Variants in RPS6KL1 observed in about 807,000 individuals in gnomAD.
The protein encoded by RPS6KL1 is ribosomal protein S6 kinase-like 1.
RPS6KL1 carries 41 observed loss-of-function variants against 57.0 expected under a neutral mutation model. That is an observed-to-expected ratio of 0.72 (90% CI 0.56 to 0.93). The LOEUF is 0.93. RPS6KL1 is among the 40% of genes least tolerant of loss of function. The pLI, the probability that RPS6KL1 is intolerant of heterozygous loss-of-function variation, is 0.00. For synonymous variants in RPS6KL1, 287 were observed against 309.7 expected (o/e 0.93, Z 0.77); for missense variants, 697 against 727.7 (o/e 0.96, Z 0.49).
chr14:74,912,838 G>A (rs555813751), intron 5 of RPS6KL1, among the ~76,000 whole-genome samples: 2 of 152,262 alleles, frequency 1.3e-5, no homozygotes, highest in Non-Finnish European at 2.9e-5. Flanking sequence ...AGAGGCAGAC[G>A]CTGTCAATCG....
At chr14:74,916,406 G>C (rs911312641) in intron 5 of RPS6KL1, among the ~76,000 whole-genome samples, 1 of 152,208 alleles carries the variant, frequency 6.6e-6, no homozygotes, top group East Asian at 1.9e-4. Flanking sequence ...ATAGAATGCG[G>C]CGGGCCACTG....
At chr14:74,919,343 C>T (rs1184442702) in intron 4 of RPS6KL1, among the ~76,000 whole-genome samples, 1 of 152,258 alleles carries the variant, frequency 6.6e-6, no homozygotes, top group Non-Finnish European at 1.5e-5. Context: ...GGGTAAGAAG[C>T]GTGCGTGCAT....
rs773157385 is a variant in RPS6KL1, at chr14:74,919,868, T to C, written c.367A>G (p.Ser123Gly). 1 of 1,613,364 alleles carries C rather than the reference T, an allele frequency of 6.2e-7. No homozygotes were observed. Among genetic ancestry groups the C allele is most frequent in the Non-Finnish European group, 8.5e-7 (1 of 1,179,874 alleles). ...IFNCHLQRPL[S>G]SGASPSAGFS... is the part of the protein sequence containing the mutation. ...ACCGCGCTGGGGCTGGCTCCACTGC[T>C]CAGCGGCCGCTGCAGGTGGCAGTTG... Residue 123 changes from serine (S) to glycine (G), a missense_variant, in exon 4 of 12, where the codon AGC (serine) becomes GGC (glycine). Ser to Gly is a moderately conservative substitution (Grantham distance 56). Transcript: ENST00000557413.
chr14:74,919,738 G>C, intron 4 of RPS6KL1, 107 bp downstream of exon 4: 1 of 1,254,294 alleles, frequency 8.0e-7, no homozygotes, highest in Non-Finnish European at 1.1e-6. Context: ...TCCACTGCCG[G>C]CCTCTGCCCT....
At chr14:74,913,643 C>T (rs1416481256) in intron 5 of RPS6KL1, among the ~76,000 whole-genome samples, 2 of 152,194 alleles carry the variant, frequency 1.3e-5, no homozygotes, top group African/African-American at 4.8e-5. Flanking sequence ...ATCACATCTG[C>T]CAAGTCACAT....
intron 2 of RPS6KL1, chr14:74,921,774 TTTC>T: frequency 8.0e-6 from 10 of 1,257,592 alleles, no homozygotes; most frequent in East Asian, 3.0e-5. Flanking sequence ...TCTGTTTTCT[TTTC>T]TTTTTTTTTT....
At chr14:74,910,418 TTGGG>T (rs1885733842) in intron 7 of RPS6KL1, 1 of 348,236 alleles carries the variant, frequency 2.9e-6, no homozygotes, top group East Asian at 4.7e-5. Context: ...TGTCTGTGGT[TTGGG>T]TGGTGGGTTC....
intron 4 of RPS6KL1, among the ~76,000 whole-genome samples, 179 bp from the exon 5 acceptor site, chr14:74,918,784 A>T (rs1887294308): frequency 6.6e-6 from 1 of 152,186 alleles, no homozygotes; most frequent in African/African-American, 2.4e-5. Flanking sequence ...GCCTTTACCG[A>T]TAGGCACCCA....
At position 74,909,206 on chromosome 14, in the gene RPS6KL1, G is replaced by A. The variant is rs766021107; in HGVS notation, c.1271-16C>T. ...CGGATGTGACCTCCAGTGTGTGGGA[G>A]GAAAAAGGAGGGGACAGATTGAGGA... On this transcript the variant is annotated splice_polypyrimidine_tract_variant and intron_variant, in intron 8 of 11. Transcript: ENST00000557413. 10 of 1,610,958 alleles carry A rather than the reference G, an allele frequency of 6.2e-6. No individual in the cohort carries two copies. The highest frequency in any genetic ancestry group is 2.7e-5 in the African/African-American group (2 of 74,856).
intron 6 of RPS6KL1, 58 bp from the exon 7 acceptor site, chr14:74,911,438 G>T: frequency 6.4e-7 from 1 of 1,573,752 alleles, no homozygotes; most frequent in South Asian, 1.1e-5. Context: ...GCTGCTGTTA[G>T]GGGACCTCCT....
At chr14:74,907,292 T>G in intron 11 of RPS6KL1, 143 bp downstream of exon 11, 1 of 1,424,114 alleles carries the variant, frequency 7.0e-7, no homozygotes, top group Non-Finnish European at 9.3e-7. Flanking sequence ...CACCAACATA[T>G]AGAAATGTGT....
At position 74,922,400 on chromosome 14, in the gene RPS6KL1, C is replaced by T. The variant is rs1293194463; in HGVS notation, c.-443G>A. ...GGATTGCCCCTGCTGTGTTTTGTTC[C>T]CTTGGTCCTGAGGTCAGTGTGGTCA... is the stretch of plus-strand genomic sequence containing the variant. On this transcript the variant is annotated 5_prime_UTR_variant, in exon 2 of 12. Coordinates refer to ENST00000557413, the MANE Select transcript of RPS6KL1 (RefSeq NM_031464.5). 1 of 973,446 alleles carries T rather than the reference C, an allele frequency of 1.0e-6. No homozygotes were observed. Among genetic ancestry groups the T allele is most frequent in the Non-Finnish European group, 1.2e-6 (1 of 818,924 alleles). 60.3% of individuals were successfully genotyped at this position (973,446 alleles called of 1,614,324 possible).
At chr14:74,921,238 T>TGGCCCCCCCCCCCCCCCCCCCCCCCCCC in intron 3 of RPS6KL1, 39 bp downstream of exon 3, 13 of 840,138 alleles carry the variant, frequency 1.5e-5, no homozygotes, top group East Asian at 7.9e-5. Context: ...CACTGGCCCT[T>TGGCCCCCCCCCCCCCCCCCCCCCCCCCC]CCCCACCCAC....
At position 74,906,409 on chromosome 14, in the gene RPS6KL1, T is replaced by TGGGGGGGGGGGG. The variant is rs537079155; in HGVS notation, c.*604_*605insCCCCCCCCCCCC. ...AGGGGGCATGGTCAGGAATCGGGGG[T>TGGGGGGGGGGGG]GGGGGGGTGGGGGTGGGGGTCATCC... On this transcript the variant is annotated 3_prime_UTR_variant, in exon 12 of 12. Transcript: ENST00000557413. 2 of 157,412 alleles carry TGGGGGGGGGGGG rather than the reference T, an allele frequency of 1.3e-5. No individual in the cohort carries two copies. Among genetic ancestry groups the TGGGGGGGGGGGG allele is most frequent in the African/African-American group, 1.3e-4 (2 of 15,246 alleles). 9.8% of individuals were successfully genotyped at this position (157,412 alleles called of 1,614,324 possible).
At position 74,909,771 on chromosome 14, in the gene RPS6KL1, C is replaced by T; in HGVS notation, c.1042G>A (p.Val348Ile). The part of the protein sequence containing the change: ...DAGPPRGLTW[V>I]PEGAGPVLGG... ...AGCACCGGGCCGGCCCCCTCAGGAACCCAAGTGAGCCCCCGAGGGGGCCCA... is the reference window on the plus strand; with the variant it reads ...AGCACCGGGCCGGCCCCCTCAGGAATCCAAGTGAGCCCCCGAGGGGGCCCA... The change falls in exon 8 of 12, where the codon GTT becomes ATT. Residue 348 changes from valine (V) to isoleucine (I), a missense_variant. Val to Ile is a conservative substitution (Grantham distance 29). Transcript: ENST00000557413. 6.2e-7 allele frequency: 1 copy of T among 1,606,422 alleles called. No individual in the cohort carries two copies. The highest frequency in any genetic ancestry group is 1.1e-5 in the South Asian group (1 of 90,848).
Position 74,909,756 on chromosome 14 carries a change from C to T in RPS6KL1, c.1057G>A (p.Gly353Ser), listed in dbSNP as rs773733731. The T allele has an allele frequency of 1.4e-5, 23 of 1,606,762 alleles. No homozygotes were observed. In the East Asian group the frequency reaches 2.0e-4, roughly 14 times the overall value. Reference protein sequence around the residue: ...RGLTWVPEGAGPVLGGCGRGM... With the variant: ...RGLTWVPEGASPVLGGCGRGM... The stretch of plus-strand genomic sequence containing the variant: ...CGGCCACAGCCCCCTAGCACCGGGC[C>T]GGCCCCCTCAGGAACCCAAGTGAGC... Residue 353 changes from glycine to serine, a missense_variant, in exon 8 of 12, where the codon GGC becomes AGC. Physicochemically the swap from Gly to Ser is moderately conservative, Grantham distance 56. Coordinates refer to ENST00000557413, the MANE Select transcript of RPS6KL1 (RefSeq NM_031464.5).
intron 6 of RPS6KL1, 118 bp downstream of exon 6, chr14:74,911,676 A>C (rs906603811): frequency 1.0e-6 from 1 of 988,130 alleles, no homozygotes; most frequent in Non-Finnish European, 1.5e-6. Context: ...CAGGCAGAAC[A>C]ACCAGCTTTT....
chr14:74,921,378 G>C lies in RPS6KL1; in HGVS notation c.164C>G (p.Thr55Arg), dbSNP rs773424446. The change falls in exon 3 of 12, where the codon ACG (threonine) becomes AGG (arginine). Residue 55 changes from threonine to arginine, a missense_variant. Coordinates refer to ENST00000557413, the MANE Select transcript of RPS6KL1 (RefSeq NM_031464.5). ...TKRDYLVDAATQIRLALERDV... is the reference protein window; with the variant it reads ...TKRDYLVDAARQIRLALERDV... ...GCGCTCCAGGGCCAGCCGGATCTGCGTGGCCGCATCCACCAGATAGTCACG... is the reference window on the plus strand; with the variant it reads ...GCGCTCCAGGGCCAGCCGGATCTGCCTGGCCGCATCCACCAGATAGTCACG... 1 of 1,614,252 alleles carries C rather than the reference G, an allele frequency of 6.2e-7. No homozygotes were observed. The highest frequency in any genetic ancestry group is 1.3e-5 in the African/African-American group (1 of 75,064).
In RPS6KL1 at chr14:74,919,828, G is replaced by GGGC. The variant is rs1555378993; in HGVS notation, c.390+16_390+17insGCC. 1.3e-6 allele frequency: 2 copies of GGGC among 1,491,558 alleles called. No homozygotes were observed. The highest frequency in any genetic ancestry group is 1.8e-6 in the Non-Finnish European group (2 of 1,115,098). The allele number at this position is 1,491,558 out of a possible 1,614,324, so 92.4% of individuals were successfully genotyped here. ...CCTCCTCCCGCTCAGGCCTTTGGGTGGGGGGGGTCTCCTCACCGCGCTGGG... is the reference window on the plus strand; with the variant it reads ...CCTCCTCCCGCTCAGGCCTTTGGGTGGGCGGGGGGGTCTCCTCACCGCGCTGGG... On this transcript the variant is annotated intron_variant, in intron 4 of 11. Transcript: ENST00000557413.
Sources: allele counts gnomAD v4.1 joint callset (sites outside exome capture counted in the v4.1 genomes callset), GRCh38; gene constraint gnomAD v4.1.1; transcripts MANE v1.5; gene names NCBI Gene and HGNC (gene_info 2026-07-23, HGNC 2026-07-21).